The following ZFHX3 variants were observed in gnomAD, a reference collection of about 807,000 sequenced individuals.
The protein encoded by ZFHX3 is zinc finger homeobox protein 3.
Under a neutral mutation model 279.1 loss-of-function variants are expected in ZFHX3, and 42 were observed. The observed-to-expected ratio is 0.15, with a 90% CI of 0.12 to 0.19. The LOEUF is 0.19. ZFHX3 is among the 10% of genes least tolerant of loss of function. The pLI is 1.00. For missense variants in ZFHX3, 4,981 were observed against 4,754.0 expected (o/e 1.05, Z -1.40); for synonymous variants, 2,293 against 1,957.8 (o/e 1.17, Z -4.52).
intron 2 of ZFHX3, chr16:73,504,918 T>C (rs1890519198): frequency 2.0e-5 from 3 of 151,344 alleles, no homozygotes; most frequent in Admixed American, 6.6e-5. Flanking sequence ...TTATTTTAAG[T>C]GCATAAACAA....
chr16:73,465,219 G>A (rs886802766), intron 2 of ZFHX3, among the ~76,000 whole-genome samples: 1 of 152,216 alleles, frequency 6.6e-6, no homozygotes, highest in Non-Finnish European at 1.5e-5. Flanking sequence ...CCCGTGCTGC[G>A]CCAAAGCAGA....
At chr16:73,171,193 A>C (rs138692297) in intron 5 of ZFHX3, among the ~76,000 whole-genome samples, 3,955 of 152,020 alleles carry the variant, frequency 0.026, 62 homozygotes, top group Middle Eastern at 0.037. Context: ...TTAAAAAGGG[A>C]TTCTAGATAG....
chr16:73,338,436 C>CT (rs898195699), intron 3 of ZFHX3, among the ~76,000 whole-genome samples: 40 of 151,724 alleles, frequency 2.6e-4, no homozygotes, highest in African/African-American at 4.4e-4. Context: ...TAAAGGTCAA[C>CT]TTTTTTTTTC....
intron 1 of ZFHX3, among the ~76,000 whole-genome samples, chr16:73,017,272 G>C (rs1366459876): frequency 6.6e-6 from 1 of 151,706 alleles, no homozygotes; most frequent in African/African-American, 2.4e-5. Context: ...CAAAGGCTGA[G>C]TGGGCAATTT....
chr16:73,034,630 T>A (rs1271214047), intron 1 of ZFHX3, among the ~76,000 whole-genome samples: 1 of 152,178 alleles, frequency 6.6e-6, no homozygotes, highest in African/African-American at 2.4e-5. Context: ...GCCCTGTCTG[T>A]GATTTCAGTA....
At chr16:73,111,880 T>C (rs1044661606) in intron 7 of ZFHX3, among the ~76,000 whole-genome samples, 1 of 152,138 alleles carries the variant, frequency 6.6e-6, no homozygotes, top group Admixed American at 6.6e-5. Flanking sequence ...ATTTTATGGA[T>C]GGGAAAACGA....
intron 1 of ZFHX3, among the ~76,000 whole-genome samples, chr16:73,024,228 C>A (rs1964414148): frequency 1.3e-5 from 2 of 152,092 alleles, no homozygotes; most frequent in Admixed American, 1.3e-4. Flanking sequence ...AACGAAGAGG[C>A]AGGTGAGCAA....
intron 4 of ZFHX3, among the ~76,000 whole-genome samples, chr16:73,299,809 A>AT (rs2015010074): frequency 6.6e-6 from 1 of 152,182 alleles, no homozygotes. Flanking sequence ...GAAGCATGCT[A>AT]TATGCTTCTA....
chr16:73,820,431 C>T (rs1960704873), intron 1 of ZFHX3, among the ~76,000 whole-genome samples: 1 of 152,104 alleles, frequency 6.6e-6, no homozygotes, highest in Non-Finnish European at 1.5e-5. Context: ...AATGTCTGCT[C>T]ATGGAACATT....
rs541001961 is a variant in ZFHX3 at position 73,846,670 on chromosome 16, T to C, written c.-1608+44981A>G. On this transcript the variant is annotated intron_variant, in intron 1 of 17. Transcript: ENST00000641206. ...GTCTCGGCGCCCCCTTGCTACTTAC[T>C]TGTGCATGAGAAAACGTGTGATATT... Among the ~76,000 whole-genome samples the C allele has an allele frequency of 5.6e-4, 86 of 152,284 alleles. No homozygotes were observed. In the Middle Eastern group the frequency reaches 0.01, roughly 18 times the overall value.
At chr16:73,187,866 C>CT (rs201453864) in intron 5 of ZFHX3, among the ~76,000 whole-genome samples, 13 of 150,350 alleles carry the variant, frequency 8.6e-5, no homozygotes, top group East Asian at 5.8e-4. Flanking sequence ...AAGTTTGGAA[C>CT]TTTTTTTTTT....
In ZFHX3 at chr16:73,260,277, G is replaced by T. The variant is rs549656134; in HGVS notation, c.-1193-3141C>A. The stretch of plus-strand genomic sequence containing the variant: ...GTCCCAATACTGGTGATGCCATTTC[G>T]ATTGCTTGGTTAGAGTGGTGTCTGC... On this transcript the variant is annotated intron_variant, in intron 4 of 17. Coordinates refer to the ZFHX3 transcript ENST00000641206. Among the ~76,000 whole-genome samples the T allele has an allele frequency of 2.0e-5, 3 of 152,186 alleles. No homozygotes were observed. The South Asian group carries it at 6.2e-4, about 32-fold the overall frequency.
intron 2 of ZFHX3, among the ~76,000 whole-genome samples, chr16:73,462,993 T>A (rs1316502804): frequency 2.6e-5 from 4 of 152,136 alleles, no homozygotes; most frequent in African/African-American, 9.7e-5. Context: ...TGTTAATGCT[T>A]CTTTATATGT....
intron 3 of ZFHX3, among the ~76,000 whole-genome samples, chr16:72,921,069 CAAAAAAAAAAA>C (rs57294537): frequency 4.2e-5 from 1 of 23,584 alleles, no homozygotes; most frequent in East Asian, 1.5e-3. Context: ...CAGACCTTGT[CAAAAAAAAAAA>C]AAAAAAAAAA....
chr16:73,531,714 C>CAAAA (rs34119200), intron 2 of ZFHX3, among the ~76,000 whole-genome samples: 5 of 81,124 alleles, frequency 6.2e-5, no homozygotes, highest in Non-Finnish European at 9.2e-5. Flanking sequence ...AACCCTGTCT[C>CAAAA]AAAAAAAAAA....
chr16:73,397,972 G>T (rs979488042), intron 3 of ZFHX3, among the ~76,000 whole-genome samples: 1 of 152,164 alleles, frequency 6.6e-6, no homozygotes, highest in Admixed American at 6.5e-5. Context: ...AGCCTCCTGA[G>T]TAGCTGGGAT....
chr16:73,389,227 T>C (rs571323919), intron 3 of ZFHX3: 4 of 152,166 alleles, frequency 2.6e-5, no homozygotes, highest in African/African-American at 9.6e-5. Flanking sequence ...CACTGCCTGC[T>C]TTGTAAATAA....
intron 5 of ZFHX3, among the ~76,000 whole-genome samples, chr16:73,155,038 G>C (rs1181548244): frequency 1.3e-5 from 2 of 151,926 alleles, no homozygotes; most frequent in Admixed American, 1.3e-4. Flanking sequence ...GCTTGGCATG[G>C]TGGCTGCACT....
chr16:73,741,118 G>C (rs1448808804), intron 1 of ZFHX3, among the ~76,000 whole-genome samples: 2 of 140,960 alleles, frequency 1.4e-5, no homozygotes, highest in Non-Finnish European at 3.0e-5. Context: ...TGCAACCTCT[G>C]CCTCCCAGGT....
Sources: gnomAD v4.1 joint callset for allele counts (sites outside exome capture counted in the v4.1 genomes callset) on GRCh38, gnomAD v4.1.1 for gene constraint, MANE v1.5 for transcripts, NCBI Gene and HGNC (gene_info 2026-07-23, HGNC 2026-07-21) for gene names.